Variants in TLE1 observed in about 807,000 individuals in gnomAD.
The protein encoded by TLE1 is transducin-like enhancer protein 1.
Under a neutral mutation model 89.8 loss-of-function variants are expected in TLE1, and 21 were observed. That is an observed-to-expected ratio of 0.23 (90% confidence interval 0.17 to 0.34). TLE1 has a LOEUF of 0.34. TLE1 is among the 10% of genes least tolerant of loss of function. The pLI is 1.00. For missense variants in TLE1, 795 were observed against 1,031.2 expected, an observed-to-expected ratio of 0.77 and a Z score of 3.14; for synonymous variants, 447 against 407.6, an observed-to-expected ratio of 1.10 and a Z score of -1.16.
At chr9:81,592,280 C>T (rs1054551738) in intron 15 of TLE1, among the ~76,000 whole-genome samples, 1 of 152,218 alleles carries the variant, frequency 6.6e-6, no homozygotes, top group African/African-American at 2.4e-5. Flanking sequence ...ACGGCGTAAA[C>T]CCCGGAGGCG....
intron 11 of TLE1, among the ~76,000 whole-genome samples, chr9:81,614,692 A>AGAT (rs1328122155): frequency 6.6e-6 from 1 of 152,154 alleles, no homozygotes; most frequent in African/African-American, 2.4e-5. Context: ...TATTGTTAAA[A>AGAT]GATGATGCAG....
At chr9:81,590,659 T>C (rs1829356485) in intron 16 of TLE1, 146 bp downstream of exon 16, 2 of 1,396,586 alleles carry the variant, frequency 1.4e-6, no homozygotes, top group Admixed American at 4.6e-5. Context: ...GCAACACAGT[T>C]GTCTTTGTTC....
intron 8 of TLE1, among the ~76,000 whole-genome samples, chr9:81,632,136 T>TAG (rs2132330966): frequency 6.6e-6 from 1 of 151,258 alleles, no homozygotes; most frequent in Admixed American, 6.6e-5. Flanking sequence ...GGCAAAACAA[T>TAG]AAGGCTTCCT....
At chr9:81,657,781 A>G (rs1830314281) in intron 4 of TLE1, among the ~76,000 whole-genome samples, 1 of 152,114 alleles carries the variant, frequency 6.6e-6, no homozygotes, top group Non-Finnish European at 1.5e-5. Flanking sequence ...CTACCCATAC[A>G]CTTTAAATCA....
intron 4 of TLE1, among the ~76,000 whole-genome samples, chr9:81,678,380 AT>A (rs35206989): frequency 3.0e-4 from 46 of 151,820 alleles, no homozygotes; most frequent in African/African-American, 1.1e-3. Context: ...GGCCCAATTA[AT>A]TTTTTTTAAA....
At chr9:81,631,950 A>T (rs1010949500) in intron 8 of TLE1, among the ~76,000 whole-genome samples, 10 of 152,128 alleles carry the variant, frequency 6.6e-5, no homozygotes, top group African/African-American at 2.4e-4. Flanking sequence ...TAAAAATACA[A>T]AATTAGCCAG....
Position 81,668,095 on chromosome 9 carries a change from A to G in TLE1, c.235-14059T>C, listed in dbSNP as rs570190902. On this transcript the variant is annotated intron_variant, in intron 4 of 19. Transcript: ENST00000376499. ...CATAAGAATTGCTTGAACCCAGGAG[A>G]CGGAGGTCGCGATGAGCCGAGATCG... 8.6e-5 allele frequency among the ~76,000 whole-genome samples: 13 copies of G among 151,944 alleles called. 2 individuals carry two copies. Among genetic ancestry groups the G allele is most frequent in the South Asian group, 4.2e-4 (2 of 4,798 alleles).
chr9:81,614,924 G>A (rs1405492751), intron 11 of TLE1, among the ~76,000 whole-genome samples: 3 of 151,404 alleles, frequency 2.0e-5, no homozygotes, highest in Non-Finnish European at 4.4e-5. Flanking sequence ...GCCAGGTGCG[G>A]TGGCTCACAC....
At position 81,662,350 on chromosome 9, in the gene TLE1, G is replaced by A. The variant is rs80248099; in HGVS notation, c.235-8314C>T. ...TGCAGGAGACACGGTGTTAGTATTA[G>A]TGTGCCTGTTTTGTGTGTGTGTGTG... On this transcript the variant is annotated intron_variant, in intron 4 of 19. Transcript: ENST00000376499. Among the ~76,000 whole-genome samples, 468 of 139,354 alleles carry A rather than the reference G, an allele frequency of 3.4e-3. 4 individuals carry two copies. The highest frequency in any genetic ancestry group is 0.012 in the African/African-American group (451 of 37,282). 91.4% of individuals were successfully genotyped at this position (139,354 alleles called of 152,430 possible).
intron 4 of TLE1, among the ~76,000 whole-genome samples, chr9:81,681,209 T>A (rs1169158739): frequency 6.6e-6 from 1 of 152,162 alleles, no homozygotes; most frequent in Admixed American, 6.5e-5. Flanking sequence ...GAATATATCA[T>A]CCTTCCTTTC....
intron 6 of TLE1, among the ~76,000 whole-genome samples, chr9:81,635,549 T>C (rs1827259081): frequency 6.6e-6 from 1 of 152,218 alleles, no homozygotes; most frequent in Admixed American, 6.5e-5. Flanking sequence ...AATATAAAAC[T>C]TATTTTTGAT....
chr9:81,601,503 T>C (rs1218166888), intron 14 of TLE1, among the ~76,000 whole-genome samples: 1 of 152,054 alleles, frequency 6.6e-6, no homozygotes, highest in African/African-American at 2.4e-5. Context: ...AAACTATTAT[T>C]AGCCTGAGTT....
chr9:81,620,237 G>A (rs986716982), intron 9 of TLE1, among the ~76,000 whole-genome samples: 13 of 152,228 alleles, frequency 8.5e-5, no homozygotes, highest in Admixed American at 2.6e-4. Flanking sequence ...AACAAAGGCA[G>A]GAAGTCTAAA....
At chr9:81,684,552 A>G (rs1834020614) in intron 4 of TLE1, among the ~76,000 whole-genome samples, 1 of 152,222 alleles carries the variant, frequency 6.6e-6, no homozygotes, top group South Asian at 2.1e-4. Flanking sequence ...TTGCTTAATG[A>G]AAGTCTTTGA....
Position 81,612,823 on chromosome 9 carries a change from C to T in TLE1, c.1063+554G>A, listed in dbSNP as rs533104004. 2.6e-5 allele frequency among the ~76,000 whole-genome samples: 4 copies of T among 152,210 alleles called. No individual in the cohort carries two copies. The South Asian group carries it at 6.2e-4, about 24-fold the overall frequency. On this transcript the variant is annotated intron_variant, in intron 12 of 19. Transcript: ENST00000376499. ...CTGTAATCCCAGCACTTTGGGAGGC[C>T]GAGATGGGCAGATCACCTGAGGTCA...
At chr9:81,612,402 A>C in intron 12 of TLE1, 2 of 980,350 alleles carry the variant, frequency 2.0e-6, no homozygotes, top group Non-Finnish European at 2.4e-6. Context: ...TCCTGGATTT[A>C]CGTAAACCAA....
chr9:81,606,309 G>T (rs536315475), intron 14 of TLE1, among the ~76,000 whole-genome samples: 1 of 152,178 alleles, frequency 6.6e-6, no homozygotes, highest in Non-Finnish European at 1.5e-5. Context: ...CTGCTATAAA[G>T]ACACATGCAC....
intron 6 of TLE1, among the ~76,000 whole-genome samples, chr9:81,651,926 A>C (rs1829591119): frequency 6.6e-6 from 1 of 151,968 alleles, no homozygotes; most frequent in Non-Finnish European, 1.5e-5. Flanking sequence ...GAGTAGGCAA[A>C]ATACCAAGAC....
At chr9:81,642,139 T>A (rs546938501) in intron 6 of TLE1, among the ~76,000 whole-genome samples, 1 of 152,276 alleles carries the variant, frequency 6.6e-6, no homozygotes, top group East Asian at 1.9e-4. Context: ...TTGTACACTG[T>A]TCTTAGGAAT....
Sources: allele counts gnomAD v4.1 joint callset (sites outside exome capture counted in the v4.1 genomes callset), GRCh38; gene constraint gnomAD v4.1.1; transcripts MANE v1.5; gene names NCBI Gene and HGNC (gene_info 2026-07-23, HGNC 2026-07-21).